Variants in SUMF1 observed in about 807,000 individuals in gnomAD.
The protein encoded by SUMF1 is sulfatase modifying factor 1.
A neutral mutation model predicts 47.6 loss-of-function variants in SUMF1; 48 were observed. That is an observed-to-expected ratio of 1.01 (90% CI 0.80 to 1.28). SUMF1 has a LOEUF of 1.28. Among genes scored for constraint, SUMF1 ranks in the 50% most tolerant of loss-of-function variants. SUMF1 has a pLI of 0.00. For synonymous variants in SUMF1, 230 were observed against 192.1 expected, an observed-to-expected ratio of 1.20 and a Z score of -1.63; for missense variants, 571 against 485.4, an observed-to-expected ratio of 1.18 and a Z score of -1.66.
At chr3:4,034,781 T>C (rs925107832) in intron 9 of SUMF1, among the ~76,000 whole-genome samples, 2 of 151,938 alleles carry the variant, frequency 1.3e-5, no homozygotes. Context: ...AAGTAATACA[T>C]AGAGGTAGGT....
chr3:4,242,002 T>A (rs1451733168), intron 8 of SUMF1, among the ~76,000 whole-genome samples: 2 of 152,176 alleles, frequency 1.3e-5, no homozygotes, highest in African/African-American at 2.4e-5. Flanking sequence ...CGTTCCCTAC[T>A]GCACACGTGC....
At chr3:4,296,468 T>C (rs34032514) in intron 8 of SUMF1, among the ~76,000 whole-genome samples, 48,779 of 151,788 alleles carry the variant, frequency 0.32, 8,964 homozygotes, top group Non-Finnish European at 0.43. Flanking sequence ...GGACTCACAG[T>C]TTCACATGGC....
At chr3:4,382,631 T>C (rs1700542251) in intron 7 of SUMF1, among the ~76,000 whole-genome samples, 1 of 152,316 alleles carries the variant, frequency 6.6e-6, no homozygotes, top group African/African-American at 2.4e-5. Context: ...ATATGTTTAT[T>C]GTGGCACTGC....
chr3:4,040,885 G>A (rs909364392), intron 9 of SUMF1, among the ~76,000 whole-genome samples: 1 of 152,100 alleles, frequency 6.6e-6, no homozygotes, highest in African/African-American at 2.4e-5. Context: ...CTAACTCAGA[G>A]GGCACTGAGT....
At chr3:4,235,033 G>A (rs556152307) in intron 8 of SUMF1, among the ~76,000 whole-genome samples, 32 of 152,262 alleles carry the variant, frequency 2.1e-4, no homozygotes, top group Admixed American at 1.2e-3. Context: ...CTGCAGTTGG[G>A]TGAATAAATT....
At chr3:4,102,968 G>A (rs760499824) in intron 8 of SUMF1, among the ~76,000 whole-genome samples, 4 of 151,560 alleles carry the variant, frequency 2.6e-5, no homozygotes, top group Admixed American at 6.6e-5. Flanking sequence ...TGTCACCCAG[G>A]CTGGAGTGTA....
At chr3:4,117,536 C>T (rs940881782) in intron 8 of SUMF1, among the ~76,000 whole-genome samples, 2 of 151,978 alleles carry the variant, frequency 1.3e-5, no homozygotes, top group African/African-American at 2.4e-5. Context: ...TAGGTGGCTT[C>T]GTAAGACAGA....
intron 7 of SUMF1, among the ~76,000 whole-genome samples, chr3:4,407,215 T>A (rs886242995): frequency 2.0e-5 from 3 of 152,138 alleles, no homozygotes; most frequent in Admixed American, 2.0e-4. Flanking sequence ...GCTTTTGCCA[T>A]AAATGACTGC....
intron 8 of SUMF1, among the ~76,000 whole-genome samples, chr3:4,197,263 C>T (rs920919084): frequency 1.1e-4 from 16 of 152,074 alleles, no homozygotes; most frequent in South Asian, 2.1e-4. Context: ...TACAAATGCA[C>T]GCCACCATGC....
chr3:4,281,939 A>C lies in SUMF1; in HGVS notation c.1014+94391T>G, dbSNP rs79707177. Among the ~76,000 whole-genome samples the C allele has an allele frequency of 1.2e-3, 189 of 152,310 alleles. 6 individuals carry two copies. In the East Asian group the frequency reaches 0.035, roughly 28 times the overall value. ...AAAAAAGATTTCAGAAAGAAAGACAAATTCAGTAAAATAGCAAAGACAAGC... is the reference window on the plus strand; with the variant it reads ...AAAAAAGATTTCAGAAAGAAAGACACATTCAGTAAAATAGCAAAGACAAGC... On this transcript the variant is annotated intron_variant and NMD_transcript_variant, in intron 8 of 12. Transcript: ENST00000448413.
chr3:4,194,901 G>C (rs1190675198), intron 8 of SUMF1, among the ~76,000 whole-genome samples: 1 of 152,106 alleles, frequency 6.6e-6, no homozygotes, highest in East Asian at 1.9e-4. Flanking sequence ...GAAAGTAAAA[G>C]AGTTAACACT....
chr3:4,212,990 A>G (rs1695832582), intron 8 of SUMF1, among the ~76,000 whole-genome samples: 1 of 152,192 alleles, frequency 6.6e-6, no homozygotes, highest in Admixed American at 6.5e-5. Context: ...AACACTCTTC[A>G]GGATATTATC....
At chr3:4,355,246 C>T (rs537973374) in intron 8 of SUMF1, among the ~76,000 whole-genome samples, 1 of 152,230 alleles carries the variant, frequency 6.6e-6, no homozygotes, top group East Asian at 1.9e-4. Context: ...GTCCCAGATA[C>T]TCAGAAGGCT....
intron 8 of SUMF1, among the ~76,000 whole-genome samples, chr3:4,116,593 A>C (rs1264995686): frequency 1.3e-5 from 2 of 152,082 alleles, no homozygotes; most frequent in Non-Finnish European, 2.9e-5. Flanking sequence ...CAGCAAGTCA[A>C]ATTCATTTAC....
At chr3:4,373,463 GA>G (rs3075699) in intron 8 of SUMF1, among the ~76,000 whole-genome samples, 5 of 149,876 alleles carry the variant, frequency 3.3e-5, no homozygotes, top group African/African-American at 1.2e-4. Context: ...TACAGTAAAA[GA>G]AAAAAAAAAT....
intron 8 of SUMF1, among the ~76,000 whole-genome samples, chr3:4,262,394 A>G (rs1216860861): frequency 6.6e-6 from 1 of 151,990 alleles, no homozygotes; most frequent in Non-Finnish European, 1.5e-5. Context: ...AAACCCTAAC[A>G]CCTCTAATAT....
At chr3:4,243,381 T>C (rs1696588814) in intron 8 of SUMF1, among the ~76,000 whole-genome samples, 1 of 152,240 alleles carries the variant, frequency 6.6e-6, no homozygotes, top group Admixed American at 6.5e-5. Flanking sequence ...TCTTTCTTGC[T>C]TTCTCTTGTG....
intron 6 of SUMF1, among the ~76,000 whole-genome samples, chr3:4,415,475 A>G (rs1254453013): frequency 6.6e-6 from 1 of 152,212 alleles, no homozygotes; most frequent in Non-Finnish European, 1.5e-5. Context: ...AAAGTTTTCT[A>G]ACCTTTGACT....
At chr3:4,225,631 C>A (rs1322561517) in intron 8 of SUMF1, among the ~76,000 whole-genome samples, 3 of 152,068 alleles carry the variant, frequency 2.0e-5, no homozygotes, top group Non-Finnish European at 4.4e-5. Context: ...ACTCAAATGA[C>A]CAAAACCCAT....
Sources: allele counts gnomAD v4.1 joint callset (sites outside exome capture counted in the v4.1 genomes callset), GRCh38; gene constraint gnomAD v4.1.1; transcripts MANE v1.5; gene names NCBI Gene and HGNC (gene_info 2026-07-23, HGNC 2026-07-21).